The following SNCAIP variants were observed in gnomAD, a reference collection of about 807,000 sequenced individuals.
SNCAIP encodes synphilin-1.
SNCAIP carries 43 observed loss-of-function variants against 86.7 expected under a neutral mutation model. That is an observed-to-expected ratio of 0.50 (90% CI 0.39 to 0.64). The LOEUF (loss-of-function observed/expected upper bound fraction) is 0.64. Among genes scored for constraint, SNCAIP ranks in the 30% least tolerant of loss-of-function variants. The pLI is 0.00. For missense variants in SNCAIP, 981 were observed against 1,103.1 expected (o/e 0.89, Z 1.57); for synonymous variants, 417 against 427.2 (o/e 0.98, Z 0.29).
Position 122,394,879 on chromosome 5 carries a change from G to A in SNCAIP, c.57+3688G>A, listed in dbSNP as rs185028263. Among the ~76,000 whole-genome samples, 3 of 152,148 alleles carry A rather than the reference G, an allele frequency of 2.0e-5. No individual in the cohort carries two copies. In the East Asian group the frequency reaches 5.8e-4, roughly 29 times the overall value. ...TTCAAGCCTCATACATCAGCTTTGC[G>A]AGGCAAACTCTGTTTTTATTCCTTT... is the stretch of plus-strand genomic sequence containing the variant. On this transcript the variant is annotated intron_variant, in intron 2 of 10. Coordinates refer to ENST00000261368, the MANE Select transcript of SNCAIP (RefSeq NM_005460.4).
At chr5:122,322,178 T>A (rs1753084828) in intron 1 of SNCAIP, among the ~76,000 whole-genome samples, 1 of 152,232 alleles carries the variant, frequency 6.6e-6, no homozygotes, top group African/African-American at 2.4e-5. Context: ...CTGAGAGAAC[T>A]GGAGATTTAT....
chr5:122,440,436 A>C (rs948936312), intron 6 of SNCAIP, 193 bp from the exon 7 acceptor site: 4 of 599,100 alleles, frequency 6.7e-6, no homozygotes, highest in African/African-American at 1.9e-5. Flanking sequence ...AAAATTCTCT[A>C]TGCCGTCCTC....
At chr5:122,322,180 G>C (rs762488537) in intron 1 of SNCAIP, among the ~76,000 whole-genome samples, 44 of 152,170 alleles carry the variant, frequency 2.9e-4, no homozygotes, top group Non-Finnish European at 1.3e-4. Flanking sequence ...GAGAGAACTG[G>C]AGATTTATAT....
intron 1 of SNCAIP, among the ~76,000 whole-genome samples, chr5:122,359,348 T>TA (rs1761738208): frequency 1.6e-5 from 2 of 124,250 alleles, no homozygotes; most frequent in Non-Finnish European, 3.3e-5. Flanking sequence ...GAGATTTTTA[T>TA]TTTTATTTAT....
At chr5:122,438,037 G>T (rs1252150671) in intron 6 of SNCAIP, among the ~76,000 whole-genome samples, 1 of 152,114 alleles carries the variant, frequency 6.6e-6, no homozygotes, top group Non-Finnish European at 1.5e-5. Context: ...TGGAAATATG[G>T]AATTACATCC....
intron 8 of SNCAIP, among the ~76,000 whole-genome samples, chr5:122,448,666 TA>T (rs1401858527): frequency 8.9e-6 from 1 of 111,876 alleles, no homozygotes; most frequent in Non-Finnish European, 2.0e-5. Flanking sequence ...ATATATTATA[TA>T]TATTATATAT....
At chr5:122,376,683 T>C (rs1055288066) in intron 1 of SNCAIP, among the ~76,000 whole-genome samples, 1 of 152,192 alleles carries the variant, frequency 6.6e-6, no homozygotes, top group African/African-American at 2.4e-5. Flanking sequence ...ATTAGTTTGA[T>C]TTTAACTCTC....
At chr5:122,405,252 A>C (rs1195700097) in intron 3 of SNCAIP, among the ~76,000 whole-genome samples, 6 of 152,240 alleles carry the variant, frequency 3.9e-5, no homozygotes, top group Non-Finnish European at 5.9e-5. Flanking sequence ...AAAATAGAGA[A>C]GATACGTGTA....
At chr5:122,450,250 T>C (rs546697576) in intron 9 of SNCAIP, among the ~76,000 whole-genome samples, 1 of 152,302 alleles carries the variant, frequency 6.6e-6, no homozygotes, top group Non-Finnish European at 1.5e-5. Context: ...GCTTGATAAG[T>C]TTGTTGAAAA....
intron 5 of SNCAIP, among the ~76,000 whole-genome samples, chr5:122,430,216 A>G (rs575026842): frequency 1.3e-5 from 2 of 152,286 alleles, no homozygotes; most frequent in African/African-American, 4.8e-5. Context: ...CTATTCTACT[A>G]ATTTAAATGC....
At chr5:122,451,718 C>G in intron 10 of SNCAIP, 117 bp downstream of exon 10, 1 of 758,552 alleles carries the variant, frequency 1.3e-6, no homozygotes, top group Non-Finnish European at 2.2e-6. Flanking sequence ...AAAAAAAATC[C>G]AAAGGGATGC....
At chr5:122,382,015 G>A (rs1248156857) in intron 1 of SNCAIP, among the ~76,000 whole-genome samples, 1 of 152,032 alleles carries the variant, frequency 6.6e-6, no homozygotes, top group Non-Finnish European at 1.5e-5. Flanking sequence ...TGACAATTAT[G>A]TGTCTTGGGG....
intron 1 of SNCAIP, among the ~76,000 whole-genome samples, chr5:122,364,097 A>G (rs182046134): frequency 5.3e-4 from 81 of 152,224 alleles, no homozygotes; most frequent in Non-Finnish European, 1.1e-3. Context: ...CCAAAGTGCT[A>G]GGATTGTCAG....
At chr5:122,358,685 T>C (rs1218469306) in intron 1 of SNCAIP, among the ~76,000 whole-genome samples, 2 of 152,052 alleles carry the variant, frequency 1.3e-5, no homozygotes, top group Non-Finnish European at 2.9e-5. Context: ...TTGGCGCTAT[T>C]TTCCTGAGTT....
intron 1 of SNCAIP, among the ~76,000 whole-genome samples, chr5:122,339,417 C>G (rs1757125866): frequency 6.6e-6 from 1 of 152,172 alleles, no homozygotes; most frequent in South Asian, 2.1e-4. Flanking sequence ...TCTTTAGATA[C>G]ATTTAAGTTT....
chr5:122,313,754 T>C (rs1428662386), intron 1 of SNCAIP, among the ~76,000 whole-genome samples: 1 of 152,174 alleles, frequency 6.6e-6, no homozygotes, highest in African/African-American at 2.4e-5. Flanking sequence ...TTTTGGAAGG[T>C]GCAATATTTC....
At chr5:122,349,109 A>G (rs1194309002) in intron 1 of SNCAIP, among the ~76,000 whole-genome samples, 1 of 152,106 alleles carries the variant, frequency 6.6e-6, no homozygotes, top group Non-Finnish European at 1.5e-5. Flanking sequence ...ACCACTCTGA[A>G]TTTTCTATCA....
intron 3 of SNCAIP, among the ~76,000 whole-genome samples, chr5:122,422,345 G>A (rs1776555239): frequency 6.6e-6 from 1 of 152,132 alleles, no homozygotes; most frequent in Non-Finnish European, 1.5e-5. Context: ...ACTCAAGGAG[G>A]TCATAGTTTG....
intron 2 of SNCAIP, among the ~76,000 whole-genome samples, chr5:122,392,095 C>T (rs1405543306): frequency 6.6e-6 from 1 of 152,176 alleles, no homozygotes; most frequent in Non-Finnish European, 1.5e-5. Flanking sequence ...AAAATTGTCT[C>T]AAAATGATGA....
Sources: allele counts gnomAD v4.1 joint callset (sites outside exome capture counted in the v4.1 genomes callset), GRCh38; gene constraint gnomAD v4.1.1; transcripts MANE v1.5; gene names NCBI Gene and HGNC (gene_info 2026-07-23, HGNC 2026-07-21).